TXLNB: variants seen among roughly 807,000 people sequenced by gnomAD.
TXLNB encodes taxilin beta, also known as beta-taxilin.
Under a neutral mutation model 57.4 loss-of-function variants are expected in TXLNB, and 37 were observed. The observed-to-expected ratio is 0.64, with a 90% CI of 0.50 to 0.85. The LOEUF is 0.85. TXLNB is among the 40% of genes least tolerant of loss of function. TXLNB has a pLI of 0.00. For synonymous variants in TXLNB, 302 were observed against 309.6 expected, an observed-to-expected ratio of 0.98 and a Z score of 0.26; for missense variants, 848 against 825.6, an observed-to-expected ratio of 1.03 and a Z score of -0.33.
upstream of TXLNB, among the ~76,000 whole-genome samples, chr6:139,296,238 G>C (rs1777386847): frequency 6.6e-6 from 1 of 152,150 alleles, no homozygotes; most frequent in Non-Finnish European, 1.5e-5. Flanking sequence ...ATGGGAGACT[G>C]TGTGTGTGCC....
At chr6:139,195,106 T>C in the TXLNB span, among the ~76,000 whole-genome samples, 1 of 152,190 alleles carries the variant, frequency 6.6e-6, no homozygotes, top group Non-Finnish European at 1.5e-5. Context: ...TTCCTTGCCC[T>C]TTCCAATGCC....
At chr6:139,237,480 C>T (rs546280889), downstream of TXLNB, 1 of 143,812 alleles carries the variant, frequency 7.0e-6, no homozygotes, top group African/African-American at 2.6e-5. Context: ...AGTCCAGTGC[C>T]TGGGGGATGG....
the TXLNB span, among the ~76,000 whole-genome samples, chr6:139,220,775 C>CA: frequency 1.3e-5 from 2 of 152,080 alleles, no homozygotes; most frequent in African/African-American, 4.8e-5. Flanking sequence ...TGATAAAGGT[C>CA]AAAATCTTAG....
At chr6:139,165,366 A>G in the TXLNB span, among the ~76,000 whole-genome samples, 3 of 152,222 alleles carry the variant, frequency 2.0e-5, no homozygotes, top group Non-Finnish European at 4.4e-5. Flanking sequence ...TGAATACAGA[A>G]TGGTACATAT....
chr6:139,193,197 C>T, the TXLNB span, among the ~76,000 whole-genome samples: 1 of 148,402 alleles, frequency 6.7e-6, no homozygotes, highest in South Asian at 2.1e-4. Context: ...TCTTCCTCTC[C>T]CAGTCTCAAC....
chr6:139,168,986 G>T, the TXLNB span, among the ~76,000 whole-genome samples: 1 of 152,046 alleles, frequency 6.6e-6, no homozygotes. Context: ...CTCCATGAAG[G>T]TTTTAAGATT....
At chr6:139,170,463 C>G in the TXLNB span, 3 of 152,110 alleles carry the variant, frequency 2.0e-5, no homozygotes, top group African/African-American at 7.2e-5. Flanking sequence ...TGGCTTGGTT[C>G]GTAAAAAGAG....
At chr6:139,322,165 C>T in the TXLNB span, among the ~76,000 whole-genome samples, 1 of 152,254 alleles carries the variant, frequency 6.6e-6, no homozygotes, top group Admixed American at 6.5e-5. Flanking sequence ...TCTGCTTCGG[C>T]ATTATCACTG....
chr6:139,213,290 G>A, the TXLNB span, among the ~76,000 whole-genome samples: 2 of 152,308 alleles, frequency 1.3e-5, no homozygotes, highest in South Asian at 2.1e-4. Context: ...TCGGACCACA[G>A]TGCAATCAAA....
In TXLNB at chr6:139,242,571, G is replaced by GGGCCCAGCTGA. The variant is rs1410682778; in HGVS notation, c.1999_2009dup (p.Pro672LeufsTer78). On this transcript the variant is annotated frameshift_variant, in exon 10 of 10. Coordinates refer to ENST00000358430, the MANE Select transcript of TXLNB (RefSeq NM_153235.4). LOFTEE classifies it high-confidence loss of function. The stretch of plus-strand genomic sequence containing the variant: ...TGGTGTCAGCCACGTTGCGCGGCTG[G>GGGCCCAGCTGA]GGCCCAGCTGAGGCCCCTACTGGCA... The GGGCCCAGCTGA allele has an allele frequency of 4.6e-6, 7 of 1,520,772 alleles. No individual in the cohort carries two copies. In the Admixed American group the frequency reaches 1.3e-4, roughly 29 times the overall value. The allele number at this position is 1,520,772 out of a possible 1,614,324, so 94.2% of individuals were successfully genotyped here. A position where few individuals can be genotyped will look rare whatever the true frequency, so the allele number is the denominator to read the frequency against.
the TXLNB span, among the ~76,000 whole-genome samples, chr6:139,233,516 T>C: frequency 6.6e-6 from 1 of 151,814 alleles, no homozygotes; most frequent in Admixed American, 6.6e-5. Flanking sequence ...GGCTCATTGC[T>C]TCCTTGACCT....
At chr6:139,248,348 T>C (rs960505563) in intron 7 of TXLNB, among the ~76,000 whole-genome samples, 2 of 151,616 alleles carry the variant, frequency 1.3e-5, no homozygotes, top group Non-Finnish European at 2.9e-5. Context: ...ATACAAAAAT[T>C]AGCCGGGCAT....
At chr6:139,307,707 G>A in the TXLNB span, among the ~76,000 whole-genome samples, 1 of 151,704 alleles carries the variant, frequency 6.6e-6, no homozygotes, top group South Asian at 2.1e-4. Flanking sequence ...ATTCATTCTT[G>A]TTCAACATAG....
the TXLNB span, chr6:139,167,041 C>T: frequency 6.2e-7 from 1 of 1,614,166 alleles, no homozygotes; most frequent in African/African-American, 1.3e-5. Context: ...CCGTGCAGTT[C>T]CTTCGGCGGC....
the TXLNB span, among the ~76,000 whole-genome samples, chr6:139,307,181 A>G: frequency 1.3e-5 from 2 of 152,186 alleles, no homozygotes; most frequent in African/African-American, 4.8e-5. Context: ...AGTTCTCAAC[A>G]AATGATTGGG....
intron 3 of TXLNB, among the ~76,000 whole-genome samples, chr6:139,273,797 C>T (rs1431379549): frequency 6.6e-6 from 1 of 152,206 alleles, no homozygotes; most frequent in African/African-American, 2.4e-5. Flanking sequence ...TACTCCAGAA[C>T]TTTCCTTTAT....
At chr6:139,238,932 G>T (rs1337348350), downstream of TXLNB, among the ~76,000 whole-genome samples, 2 of 152,196 alleles carry the variant, frequency 1.3e-5, no homozygotes, top group Non-Finnish European at 2.9e-5. Flanking sequence ...GAAACCATCT[G>T]CCTCTCCTGT....
chr6:139,181,761 T>G, the TXLNB span, among the ~76,000 whole-genome samples: 1 of 152,230 alleles, frequency 6.6e-6, no homozygotes, highest in Non-Finnish European at 1.5e-5. Flanking sequence ...ATAAAGAATG[T>G]TAACATGTAA....
At chr6:139,202,425 T>C in the TXLNB span, among the ~76,000 whole-genome samples, 1 of 152,368 alleles carries the variant, frequency 6.6e-6, no homozygotes, top group East Asian at 1.9e-4. Context: ...TTTTAAAGAT[T>C]ATTAAAAACT....
Sources: gnomAD v4.1 joint callset for allele counts (sites outside exome capture counted in the v4.1 genomes callset) on GRCh38, gnomAD v4.1.1 for gene constraint, MANE v1.5 for transcripts, NCBI Gene and HGNC (gene_info 2026-07-23, HGNC 2026-07-21) for gene names.